Variants in MYO16 observed in about 807,000 individuals in gnomAD.
MYO16 encodes unconventional myosin-XVI.
MYO16 carries 94 observed loss-of-function variants against 205.3 expected under a neutral mutation model. The observed-to-expected ratio is 0.46, with a 90% CI of 0.39 to 0.54. The LOEUF is 0.54. Ranked by LOEUF, MYO16 falls within the 20% of genes least tolerant of loss-of-function variation. MYO16 has a pLI of 0.00. For synonymous variants in MYO16, 988 were observed against 954.0 expected (o/e 1.04, Z -0.66); for missense variants, 2,315 against 2,387.5 (o/e 0.97, Z 0.63).
Position 109,133,259 on chromosome 13 carries a change from C to T in MYO16, c.4051+5709C>T, listed in dbSNP as rs907984299. On this transcript the variant is annotated intron_variant, in intron 31 of 34. Transcript: ENST00000457511. ...TTTGTCCTAGGTCCTGTGCTCTGTG[C>T]TATGTTTGCTTTCGCTCTGAAACTA... Among the ~76,000 whole-genome samples the T allele has an allele frequency of 3.3e-5, 5 of 152,274 alleles. No homozygotes were observed. The East Asian group carries it at 9.6e-4, about 29-fold the overall frequency.
At chr13:108,774,446 G>A (rs991749036) in intron 4 of MYO16, among the ~76,000 whole-genome samples, 2 of 152,144 alleles carry the variant, frequency 1.3e-5, no homozygotes, top group Non-Finnish European at 2.9e-5. Context: ...CTCCCTATAG[G>A]AACTATGCAG....
intron 34 of MYO16, among the ~76,000 whole-genome samples, chr13:109,193,325 C>T (rs1382866774): frequency 6.6e-6 from 1 of 152,134 alleles, no homozygotes; most frequent in Admixed American, 6.5e-5. Context: ...ATTAATGATA[C>T]AGAAGTGCCT....
chr13:108,540,304 G>T, the MYO16 span, among the ~76,000 whole-genome samples: 1 of 152,102 alleles, frequency 6.6e-6, no homozygotes, highest in South Asian at 2.1e-4. Flanking sequence ...TATTGTTATA[G>T]GTTTTACTTT....
the MYO16 span, among the ~76,000 whole-genome samples, chr13:108,548,938 T>G: frequency 6.6e-6 from 1 of 152,136 alleles, no homozygotes; most frequent in Admixed American, 6.5e-5. Flanking sequence ...GGAGGATGGA[T>G]AGATATATCT....
chr13:109,071,569 C>A (rs2139649723), intron 27 of MYO16, among the ~76,000 whole-genome samples: 1 of 152,208 alleles, frequency 6.6e-6, no homozygotes, highest in Non-Finnish European at 1.5e-5. Flanking sequence ...TGGCATTCAT[C>A]AAAATTATGT....
At chr13:109,017,784 T>C (rs556091532) in intron 22 of MYO16, among the ~76,000 whole-genome samples, 1 of 152,336 alleles carries the variant, frequency 6.6e-6, no homozygotes, top group Non-Finnish European at 1.5e-5. Flanking sequence ...ATGCGTCACG[T>C]AGTTTTCATG....
the MYO16 span, among the ~76,000 whole-genome samples, chr13:108,585,136 A>T: frequency 6.6e-6 from 1 of 152,110 alleles, no homozygotes; most frequent in Non-Finnish European, 1.5e-5. Flanking sequence ...ATTTTCAGAG[A>T]TTTATTCTGA....
At chr13:108,803,442 TGAAAC>T (rs1887023649) in intron 6 of MYO16, among the ~76,000 whole-genome samples, 1 of 152,206 alleles carries the variant, frequency 6.6e-6, no homozygotes, top group Non-Finnish European at 1.5e-5. Flanking sequence ...TATCAGTAAA[TGAAAC>T]GAACAGGCTG....
intron 2 of MYO16, among the ~76,000 whole-genome samples, chr13:108,681,008 A>G (rs1882438750): frequency 6.6e-6 from 1 of 152,226 alleles, no homozygotes; most frequent in Admixed American, 6.5e-5. Flanking sequence ...TCATGGGATC[A>G]TATCCAAATT....
intron 33 of MYO16, 92 bp downstream of exon 33, chr13:109,165,151 G>A: frequency 2.0e-6 from 2 of 986,490 alleles, no homozygotes; most frequent in South Asian, 3.2e-5. Flanking sequence ...TGAAAATGAA[G>A]TAGGGTTAAG....
rs1159106515 is a variant in MYO16, at chr13:109,022,629, TTA to T, written c.2796+2726_2796+2727del. On this transcript the variant is annotated intron_variant, in intron 23 of 34. Transcript: ENST00000457511. ...ACGCATATAAACATATGTATATATATTATATATATGCATATAAACATATGTAT... is the reference window on the plus strand; with the variant it reads ...ACGCATATAAACATATGTATATATATTATATATGCATATAAACATATGTAT... Among the ~76,000 whole-genome samples the T allele has an allele frequency of 3.8e-4, 51 of 133,226 alleles. 1 individual carries two copies. The highest frequency in any genetic ancestry group is 1.4e-3 in the African/African-American group (50 of 34,870). 87.4% of individuals were successfully genotyped at this position (133,226 alleles called of 152,430 possible). A position where few individuals can be genotyped will look rare whatever the true frequency, so the allele number is the denominator to read the frequency against.
the MYO16 span, among the ~76,000 whole-genome samples, chr13:108,501,988 C>T: frequency 0.012 from 1,773 of 152,102 alleles, 20 homozygotes; most frequent in Non-Finnish European, 0.017. Context: ...CCGAGGCGGG[C>T]GGATCACGAG....
intron 1 of MYO16, among the ~76,000 whole-genome samples, chr13:108,664,129 T>C (rs1329244694): frequency 6.6e-6 from 1 of 152,228 alleles, no homozygotes; most frequent in East Asian, 1.9e-4. Context: ...ATTTTATGTA[T>C]AGTTAGTTGA....
intron 24 of MYO16, among the ~76,000 whole-genome samples, chr13:109,047,241 T>C (rs1887076038): frequency 6.6e-6 from 1 of 152,198 alleles, no homozygotes; most frequent in Non-Finnish European, 1.5e-5. Flanking sequence ...AAAATACCCT[T>C]ACTACTTTAG....
At chr13:108,691,258 T>G (rs2139494422) in intron 2 of MYO16, among the ~76,000 whole-genome samples, 1 of 152,222 alleles carries the variant, frequency 6.6e-6, no homozygotes, top group African/African-American at 2.4e-5. Context: ...TTTACTTCAC[T>G]TATTCTTTAC....
At chr13:109,015,534 A>G (rs1388503518) in intron 22 of MYO16, among the ~76,000 whole-genome samples, 1 of 152,180 alleles carries the variant, frequency 6.6e-6, no homozygotes, top group African/African-American at 2.4e-5. Context: ...TTTAGAAGGA[A>G]TGGTACCAGC....
rs546342856 is a variant in MYO16, at chr13:108,966,006, TTAAA to T, written c.2369+1111_2369+1114del. Among the ~76,000 whole-genome samples the T allele has an allele frequency of 1.9e-4, 29 of 152,324 alleles. No individual in the cohort carries two copies. In the East Asian group the frequency reaches 3.1e-3, roughly 16 times the overall value. On this transcript the variant is annotated intron_variant, in intron 20 of 34. Coordinates refer to ENST00000457511, the MANE Select transcript of MYO16 (RefSeq NM_001198950.3). Reference sequence around the variant, plus strand: ...CTAATATATATTAATGGGAAAGTTCTTAAATAAATATAGACATCTCAGAAGATTT... The same window carrying T: ...CTAATATATATTAATGGGAAAGTTCTTAAATATAGACATCTCAGAAGATTT...
intron 4 of MYO16, among the ~76,000 whole-genome samples, chr13:108,731,487 A>G (rs545756879): frequency 5.3e-5 from 8 of 152,164 alleles, no homozygotes; most frequent in Non-Finnish European, 7.4e-5. Context: ...CACACAAATC[A>G]TCTCAATATC....
chr13:108,774,197 T>C (rs1465167037), intron 4 of MYO16, among the ~76,000 whole-genome samples: 1 of 152,358 alleles, frequency 6.6e-6, no homozygotes, highest in East Asian at 1.9e-4. Context: ...TTCTTGGAGA[T>C]TAAATTGTTA....
Sources: gnomAD v4.1 joint callset for allele counts (sites outside exome capture counted in the v4.1 genomes callset) on GRCh38, gnomAD v4.1.1 for gene constraint, MANE v1.5 for transcripts, NCBI Gene and HGNC (gene_info 2026-07-23, HGNC 2026-07-21) for gene names.